The following PITPNM2 variants were observed in gnomAD, a reference collection of about 807,000 sequenced individuals.
PITPNM2 encodes membrane-associated phosphatidylinositol transfer protein 2.
PITPNM2 carries 35 observed loss-of-function variants against 132.2 expected under a neutral mutation model. That is an observed-to-expected ratio of 0.26 (90% CI 0.20 to 0.35). The LOEUF is 0.35. PITPNM2 is among the 10% of genes least tolerant of loss of function. The pLI is 1.00. For missense variants in PITPNM2, 1,332 were observed against 1,912.0 expected, an observed-to-expected ratio of 0.70 and a Z score of 5.66; for synonymous variants, 738 against 799.2, an observed-to-expected ratio of 0.92 and a Z score of 1.29.
rs2038446874 is a variant in PITPNM2, at chr12:122,996,730, G to A, written c.1653C>T (p.Phe551=). 1 of 1,611,408 alleles carries A rather than the reference G, an allele frequency of 6.2e-7. No homozygotes were observed. The highest frequency in any genetic ancestry group is 1.3e-5 in the African/African-American group (1 of 74,830). The change falls in exon 12 of 26, where the codon TTC becomes TTT. Residue 551 remains phenylalanine, a synonymous_variant. Coordinates refer to ENST00000320201, the MANE Select transcript of PITPNM2 (RefSeq NM_020845.3). ...CTTCCCCGGGACTCACCTGCCCATT[G>A]AAGGTCATGCCCTCCTGGGACTTGA... The part of the protein sequence containing the change: ...DFIKSQEGMT[F]NGQVCLIGDC...
intron 1 of PITPNM2, among the ~76,000 whole-genome samples, chr12:123,124,081 C>T (rs909934259): frequency 4.6e-5 from 7 of 151,942 alleles, no homozygotes; most frequent in African/African-American, 7.3e-5. Context: ...CGGTGAAACC[C>T]TATCTCTACT....
intron 3 of PITPNM2, 58 bp downstream of exon 3, chr12:123,034,455 T>G: frequency 6.6e-7 from 1 of 1,505,482 alleles, no homozygotes; most frequent in Non-Finnish European, 9.2e-7. Context: ...ACATGTGGTG[T>G]CTGTGCGCTG....
chr12:123,030,563 C>G (rs1040578897), intron 3 of PITPNM2, among the ~76,000 whole-genome samples: 39 of 151,998 alleles, frequency 2.6e-4, no homozygotes, highest in African/African-American at 9.2e-4. Flanking sequence ...GGTGGTGGCA[C>G]GCGCCTGTAG....
In PITPNM2 at chr12:123,123,891, G is replaced by A. The variant is rs1593027860; in HGVS notation, c.-199-13403C>T. Among the ~76,000 whole-genome samples the A allele has an allele frequency of 2.8e-5, 4 of 143,418 alleles. 1 individual carries two copies. The allele number at this position is 143,418 out of a possible 152,430, so 94.1% of individuals were successfully genotyped here. On this transcript the variant is annotated intron_variant, in intron 1 of 25. Coordinates refer to ENST00000320201, the MANE Select transcript of PITPNM2 (RefSeq NM_020845.3). ...GCAGAGGTTGTAGTGAGTGGAGATC[G>A]CACCACCGCACTCTACCCTGGGCAA...
Position 122,997,441 on chromosome 12 carries a change from G to A in PITPNM2, c.1356C>T (p.Ile452=), listed in dbSNP as rs775435093. ...GCATGACGGTGTCGAACACGTTGGC[G>A]ATGGTGTTAGCATCGCCCTTCTTGG... ...PSSKKGDANT[I]ANVFDTVMRV... Residue 452 remains isoleucine, a synonymous_variant, in exon 11 of 26, where the codon ATC becomes ATT. Coordinates refer to ENST00000320201, the MANE Select transcript of PITPNM2 (RefSeq NM_020845.3). 12 of 1,613,548 alleles carry A rather than the reference G, an allele frequency of 7.4e-6. No individual in the cohort carries two copies. The highest frequency in any genetic ancestry group is 3.3e-5 in the Admixed American group (2 of 60,026).
intron 11 of PITPNM2, 66 bp from the exon 12 acceptor site, chr12:122,996,976 C>G: frequency 7.2e-7 from 1 of 1,398,056 alleles, no homozygotes; most frequent in Non-Finnish European, 9.6e-7. Context: ...CCCCTCTCCC[C>G]TGACCTGAGT....
intron 1 of PITPNM2, among the ~76,000 whole-genome samples, chr12:123,147,951 A>C (rs1292925441): frequency 6.6e-6 from 1 of 152,230 alleles, no homozygotes; most frequent in African/African-American, 2.4e-5. Flanking sequence ...TCATTATCAA[A>C]GGAGAAAGCA....
At chr12:123,094,545 C>T (rs1169542456) in intron 2 of PITPNM2, among the ~76,000 whole-genome samples, 1 of 152,248 alleles carries the variant, frequency 6.6e-6, no homozygotes, top group African/African-American at 2.4e-5. Flanking sequence ...CCTCTGGGGA[C>T]GTTACCCAAA....
At chr12:123,101,438 C>A (rs572006399) in intron 2 of PITPNM2, among the ~76,000 whole-genome samples, 1 of 152,316 alleles carries the variant, frequency 6.6e-6, no homozygotes, top group South Asian at 2.1e-4. Flanking sequence ...GAGTATTTAT[C>A]ATTTGAATGA....
intron 1 of PITPNM2, among the ~76,000 whole-genome samples, chr12:123,136,741 C>T (rs188722999): frequency 1.1e-4 from 17 of 151,968 alleles, no homozygotes; most frequent in Admixed American, 5.3e-4. Context: ...ACTAAAAATA[C>T]AAAAAATTAG....
At chr12:123,021,953 TCAG>T (rs1303021979) in intron 3 of PITPNM2, among the ~76,000 whole-genome samples, 1 of 152,190 alleles carries the variant, frequency 6.6e-6, no homozygotes, top group Non-Finnish European at 1.5e-5. Context: ...GTGTGCACAC[TCAG>T]CAGCAGGGAA....
intron 1 of PITPNM2, among the ~76,000 whole-genome samples, chr12:123,129,582 A>C (rs2043219040): frequency 6.6e-6 from 1 of 152,196 alleles, no homozygotes. Context: ...AAAAAAAAAA[A>C]TTAAATGGAT....
At chr12:123,028,300 C>T (rs539357901) in intron 3 of PITPNM2, among the ~76,000 whole-genome samples, 1 of 152,340 alleles carries the variant, frequency 6.6e-6, no homozygotes, top group Non-Finnish European at 1.5e-5. Flanking sequence ...GGTACTTTGA[C>T]GCGCGAGCCC....
In PITPNM2 at chr12:123,064,032, G is replaced by GTGATGGTGATGC. The variant is rs2041333969; in HGVS notation, c.-95-29359_-95-29348dup. Among the ~76,000 whole-genome samples the GTGATGGTGATGC allele has an allele frequency of 1.3e-5, 2 of 152,182 alleles. No individual in the cohort carries two copies. Among genetic ancestry groups the GTGATGGTGATGC allele is most frequent in the African/African-American group, 4.8e-5 (2 of 41,446 alleles). ...TATTACTATAATGATGATGGTGATG[G>GTGATGGTGATGC]TGATGGTGATGCTGGGGATCAGCCC... On this transcript the variant is annotated intron_variant, in intron 2 of 25. Coordinates refer to ENST00000320201, the MANE Select transcript of PITPNM2 (RefSeq NM_020845.3). The surrounding 1 kb of genome is among the most constrained non-coding windows in gnomAD (Gnocchi z 4.0).
At chr12:123,043,771 G>A (rs1021276369) in intron 2 of PITPNM2, among the ~76,000 whole-genome samples, 9 of 152,244 alleles carry the variant, frequency 5.9e-5, no homozygotes, top group African/African-American at 2.2e-4. Flanking sequence ...AGCAGGCTCC[G>A]AGAGGGCGCA....
intron 1 of PITPNM2, among the ~76,000 whole-genome samples, chr12:123,128,549 C>T (rs915638782): frequency 1.3e-5 from 2 of 150,140 alleles, no homozygotes; most frequent in Admixed American, 1.3e-4. Context: ...GTCAGAAGAT[C>T]GAGACCATCT....
chr12:122,995,762 G>A (rs1267911032), intron 13 of PITPNM2, 102 bp from the exon 14 acceptor site: 25 of 1,420,748 alleles, frequency 1.8e-5, no homozygotes, highest in East Asian at 5.0e-5. Flanking sequence ...CAGGCCAAGC[G>A]GCCACTGTCC....
chr12:123,015,795 C>G (rs1397124948), intron 3 of PITPNM2, among the ~76,000 whole-genome samples: 1 of 152,066 alleles, frequency 6.6e-6, no homozygotes, highest in Non-Finnish European at 1.5e-5. Context: ...TCAAAGAGCA[C>G]TATGAAGAGA....
At chr12:123,093,915 G>T in intron 2 of PITPNM2, among the ~76,000 whole-genome samples, 1 of 152,210 alleles carries the variant, frequency 6.6e-6, no homozygotes, top group East Asian at 1.9e-4. Flanking sequence ...CTGGGCAGAG[G>T]CATCCCCACC....
Sources: allele counts gnomAD v4.1 joint callset (sites outside exome capture counted in the v4.1 genomes callset), GRCh38; gene constraint gnomAD v4.1.1; non-coding constraint Gnocchi (gnomAD v3.1); transcripts MANE v1.5; gene names NCBI Gene and HGNC (gene_info 2026-07-23, HGNC 2026-07-21).